DAB2: variants seen among roughly 807,000 people sequenced by gnomAD.
DAB2 encodes the protein DAB adaptor protein 2.
In DAB2, 28 loss-of-function variants were observed where a neutral mutation model predicts 71.6. The ratio of observed to expected loss-of-function variants is 0.39; its 90% CI spans 0.29 to 0.54. DAB2 has a LOEUF of 0.54. DAB2 is among the 20% of genes least tolerant of loss of function. The pLI is 0.68. For missense variants in DAB2, 867 were observed against 928.8 expected, an observed-to-expected ratio of 0.93 and a Z score of 0.86; for synonymous variants, 345 against 339.7, an observed-to-expected ratio of 1.02 and a Z score of -0.17.
intron 1 of DAB2, among the ~76,000 whole-genome samples, chr5:39,416,052 CCAT>C (rs938791781): frequency 9.9e-5 from 15 of 151,834 alleles, no homozygotes; most frequent in Non-Finnish European, 1.6e-4. Flanking sequence ...TCCTCCCTCC[CCAT>C]CATATTTTTT....
intron 1 of DAB2, among the ~76,000 whole-genome samples, chr5:39,404,934 C>T (rs2738243): frequency 0.98 from 148,603 of 152,348 alleles, 72,879 homozygotes; most frequent in Non-Finnish European, 1. Flanking sequence ...TGTTCACAAG[C>T]TGAACAGAAG....
At chr5:39,388,915 C>T in intron 7 of DAB2, 63 bp from the exon 8 acceptor site, 1 of 1,411,340 alleles carries the variant, frequency 7.1e-7, no homozygotes, top group Non-Finnish European at 1.0e-6. Flanking sequence ...TATTTGTCCA[C>T]TCTATTAGTC....
intron 11 of DAB2, 97 bp from the exon 12 acceptor site, chr5:39,377,379 C>T: frequency 1.6e-6 from 2 of 1,253,828 alleles, no homozygotes; most frequent in Non-Finnish European, 2.2e-6. Context: ...CTCTCCACAG[C>T]TAACACCTCC....
intron 1 of DAB2, among the ~76,000 whole-genome samples, chr5:39,400,445 G>T (rs905187667): frequency 6.6e-6 from 1 of 152,038 alleles, no homozygotes; most frequent in Non-Finnish European, 1.5e-5. Flanking sequence ...TGTTGGCCAG[G>T]CTGGTCTCGA....
At chr5:39,388,720 G>T in intron 8 of DAB2, 79 bp downstream of exon 8, 3 of 1,148,790 alleles carry the variant, frequency 2.6e-6, no homozygotes, top group Non-Finnish European at 3.9e-6. Context: ...ATACAGATTT[G>T]GTATCAGCAA....
At chr5:39,388,886 G>A in intron 7 of DAB2, 34 bp from the exon 8 acceptor site, 1 of 1,567,784 alleles carries the variant, frequency 6.4e-7, no homozygotes, top group Non-Finnish European at 8.8e-7. Context: ...GGATTTAGTT[G>A]AGCTTTGTCT....
intron 1 of DAB2, among the ~76,000 whole-genome samples, chr5:39,410,667 TTAATA>T (rs1422947259): frequency 6.6e-6 from 1 of 152,190 alleles, no homozygotes; most frequent in Non-Finnish European, 1.5e-5. Context: ...TGTGTATCTT[TTAATA>T]TGTGTTATTC....
Position 39,389,871 on chromosome 5 carries a change from TTTTTC to T in DAB2, c.519_523del (p.Lys174GlyfsTer15). On this transcript the variant is annotated frameshift_variant, in exon 6 of 15. Coordinates refer to ENST00000320816, the MANE Select transcript of DAB2 (RefSeq NM_001343.4). LOFTEE classifies it high-confidence loss of function. ...ACTTGCCTTTTTCTTTTCTTCTTCC[TTTTTC>T]TTTACATTATAGATAACTTGAAAAA... is the stretch of plus-strand genomic sequence containing the variant. 1 of 1,576,322 alleles carries T rather than the reference TTTTTC, an allele frequency of 6.3e-7. No individual in the cohort carries two copies.
chr5:39,375,132 GA>G, intron 13 of DAB2, 48 bp from the exon 14 acceptor site: 1 of 1,412,858 alleles, frequency 7.1e-7, no homozygotes, highest in Non-Finnish European at 9.8e-7. Flanking sequence ...ACAGTCATAA[GA>G]AAAAAATCGC....
At chr5:39,404,473 A>G (rs182925183) in intron 1 of DAB2, among the ~76,000 whole-genome samples, 4,024 of 150,050 alleles carry the variant, frequency 0.027, 88 homozygotes, top group South Asian at 0.084. Flanking sequence ...AAAAAAAAAA[A>G]AAAGAAAGAA....
intron 1 of DAB2, among the ~76,000 whole-genome samples, chr5:39,419,940 C>G (rs1478874322): frequency 6.6e-6 from 1 of 152,200 alleles, no homozygotes. Context: ...ATCTCCATGA[C>G]TGAAGGAATT....
intron 9 of DAB2, among the ~76,000 whole-genome samples, chr5:39,384,924 ATAAAATT>A (rs1338985357): frequency 6.6e-6 from 1 of 152,158 alleles, no homozygotes; most frequent in African/African-American, 2.4e-5. Flanking sequence ...TCAAGGGAAT[ATAAAATT>A]TGCAAACTAG....
intron 13 of DAB2, among the ~76,000 whole-genome samples, chr5:39,375,655 C>A (rs1285381736): frequency 6.6e-6 from 1 of 152,090 alleles, no homozygotes; most frequent in Non-Finnish European, 1.5e-5. Flanking sequence ...GAGGCCAAGG[C>A]AGATGGATCA....
intron 10 of DAB2, among the ~76,000 whole-genome samples, chr5:39,382,278 T>C (rs1407998620): frequency 6.6e-6 from 1 of 152,092 alleles, no homozygotes; most frequent in Non-Finnish European, 1.5e-5. Flanking sequence ...ACAAAGGGAA[T>C]CACAAGAACT....
intron 1 of DAB2, among the ~76,000 whole-genome samples, chr5:39,403,841 AT>A (rs1466200075): frequency 6.6e-6 from 1 of 151,274 alleles, no homozygotes; most frequent in Non-Finnish European, 1.5e-5. Flanking sequence ...GTTTTTTTTA[AT>A]AACTTGTTAT....
intron 1 of DAB2, among the ~76,000 whole-genome samples, chr5:39,410,782 G>C (rs1019768413): frequency 2.1e-5 from 3 of 145,518 alleles, no homozygotes; most frequent in Non-Finnish European, 3.0e-5. Flanking sequence ...TTAATGTTGA[G>C]ATTACTGTAT....
chr5:39,417,514 G>A (rs1293980800), intron 1 of DAB2: 1 of 152,008 alleles, frequency 6.6e-6, no homozygotes, highest in Non-Finnish European at 1.5e-5. Context: ...TCTTACCTTT[G>A]CTTATTTGAC....
chr5:39,395,314 T>C (rs1207144744), intron 1 of DAB2, among the ~76,000 whole-genome samples: 2 of 152,216 alleles, frequency 1.3e-5, no homozygotes, highest in East Asian at 3.9e-4. Context: ...AAGCTATTCA[T>C]TGTTTTGTAA....
In DAB2 at chr5:39,377,057, G is replaced by A. The variant is rs1391950666; in HGVS notation, c.1730C>T (p.Ala577Val). 1 of 1,614,154 alleles carries A rather than the reference G, an allele frequency of 6.2e-7. No individual in the cohort carries two copies. The change falls in exon 12 of 15, where the codon GCA becomes GTA. Residue 577 changes from alanine (A) to valine (V), a missense_variant. This residue lies in a region of DAB2 where 740 missense variants were observed against 734.3 expected (regional missense o/e 1.01). Transcript: ENST00000320816. ...TGACCAAGCATTGGGTGCCACAGAT[G>A]CAGAAGGGCCCCAGACAACAGGCAC... Reference protein sequence around the residue: ...PPVPVVWGPSASVAPNAWSTT... With the variant: ...PPVPVVWGPSVSVAPNAWSTT...
Sources: allele counts gnomAD v4.1 joint callset (sites outside exome capture counted in the v4.1 genomes callset), GRCh38; gene constraint gnomAD v4.1.1; regional missense constraint gnomAD v4.1.1; transcripts MANE v1.5; gene names NCBI Gene and HGNC (gene_info 2026-07-23, HGNC 2026-07-21).